The following TNIK variants were observed in gnomAD, a reference collection of about 807,000 sequenced individuals.
TNIK encodes TRAF2 and NCK-interacting protein kinase.
TNIK carries 49 observed loss-of-function variants against 191.3 expected under a neutral mutation model. The ratio of observed to expected loss-of-function variants is 0.26; its 90% CI spans 0.20 to 0.32. TNIK has a LOEUF of 0.32. TNIK is among the 10% of genes least tolerant of loss of function. The probability of loss-of-function intolerance (pLI) is 1.00; values close to 1 mark genes in which losing one functional copy is unlikely to be tolerated. For synonymous variants in TNIK, 594 were observed against 600.9 expected, an observed-to-expected ratio of 0.99 and a Z score of 0.17; for missense variants, 1,155 against 1,702.3, an observed-to-expected ratio of 0.68 and a Z score of 5.66.
At chr3:171,214,096 A>G (rs1741177902) in intron 3 of TNIK, among the ~76,000 whole-genome samples, 1 of 152,084 alleles carries the variant, frequency 6.6e-6, no homozygotes, top group Non-Finnish European at 1.5e-5. Context: ...TAAATCCTTG[A>G]TCTTACGCAA....
intron 2 of TNIK, among the ~76,000 whole-genome samples, chr3:171,246,715 G>A (rs531767144): frequency 1.8e-4 from 28 of 152,216 alleles, no homozygotes; most frequent in African/African-American, 6.3e-4. Flanking sequence ...TTTCCCTCAA[G>A]ATCTTGAGTT....
At chr3:171,161,411 TATAA>T (rs1240752742) in intron 10 of TNIK, 75 bp from the exon 11 acceptor site, 5 of 1,315,976 alleles carry the variant, frequency 3.8e-6, no homozygotes, top group Middle Eastern at 1.9e-4. Context: ...GTCTCTTATA[TATAA>T]ATAAATAGAC....
chr3:171,130,474 G>A lies in TNIK; in HGVS notation c.1609-1596C>T, dbSNP rs117460789. 1.4e-4 allele frequency among the ~76,000 whole-genome samples: 22 copies of A among 152,332 alleles called. No homozygotes were observed. The East Asian group carries it at 4.2e-3, about 29-fold the overall frequency. On this transcript the variant is annotated intron_variant, in intron 15 of 32. Transcript: ENST00000436636. ...AAGCCAGGAATATAAACCAGAACAT[G>A]TGTACTTTGTGTGTGCATGTGTGCG...
At chr3:171,232,930 T>C (rs73043070) in intron 2 of TNIK, among the ~76,000 whole-genome samples, 5,309 of 152,352 alleles carry the variant, frequency 0.035, 311 homozygotes, top group African/African-American at 0.12. Flanking sequence ...AACAGCCACA[T>C]AAGCTTCACT....
intron 29 of TNIK, among the ~76,000 whole-genome samples, chr3:171,070,099 A>C (rs762342983): frequency 3.9e-5 from 6 of 152,218 alleles, no homozygotes; most frequent in Admixed American, 1.3e-4. Context: ...GCTTTTGTGG[A>C]GATAGATTTT....
chr3:171,262,742 G>A (rs141256190), intron 2 of TNIK, among the ~76,000 whole-genome samples: 240 of 152,334 alleles, frequency 1.6e-3, no homozygotes, highest in African/African-American at 5.2e-3. Flanking sequence ...CTTCCTTGAT[G>A]AGGGAACCTC....
chr3:171,420,970 T>C (rs1723723045), intron 1 of TNIK, among the ~76,000 whole-genome samples: 1 of 152,208 alleles, frequency 6.6e-6, no homozygotes, highest in South Asian at 2.1e-4. Context: ...TGTTTATTTA[T>C]GGAATTTTCC....
At chr3:171,447,050 G>A (rs547700253) in intron 1 of TNIK, among the ~76,000 whole-genome samples, 2 of 152,258 alleles carry the variant, frequency 1.3e-5, no homozygotes, top group African/African-American at 4.8e-5. Flanking sequence ...AATTAGTTGG[G>A]CGTGGTGGCG....
chr3:171,101,840 T>C, intron 21 of TNIK: 1 of 558,736 alleles, frequency 1.8e-6, no homozygotes, highest in South Asian at 2.5e-5. Flanking sequence ...TTTAAACTTT[T>C]TCAAAACCAA....
At chr3:171,444,783 A>T (rs1294958712) in intron 1 of TNIK, among the ~76,000 whole-genome samples, 1 of 152,204 alleles carries the variant, frequency 6.6e-6, no homozygotes, top group African/African-American at 2.4e-5. Context: ...ATGCCTTATG[A>T]AAAAGTTGCA....
At chr3:171,077,801 A>G (rs1371776429) in intron 28 of TNIK, among the ~76,000 whole-genome samples, 1 of 151,692 alleles carries the variant, frequency 6.6e-6, no homozygotes, top group African/African-American at 2.4e-5. Flanking sequence ...ATACACATAT[A>G]TATACATATG....
At chr3:171,391,022 A>T (rs909897785) in intron 1 of TNIK, among the ~76,000 whole-genome samples, 1 of 152,236 alleles carries the variant, frequency 6.6e-6, no homozygotes, top group Non-Finnish European at 1.5e-5. Context: ...TCATAACAGA[A>T]TAAACAAATG....
chr3:171,164,325 G>A (rs116347293), intron 10 of TNIK, among the ~76,000 whole-genome samples: 3,093 of 152,316 alleles, frequency 0.02, 47 homozygotes, highest in South Asian at 0.047. Context: ...ATGCCCCAGA[G>A]GGAGATGGGT....
chr3:171,167,274 C>T lies in TNIK; in HGVS notation c.774-4G>A. The T allele has an allele frequency of 6.2e-7, 1 of 1,608,992 alleles. No homozygotes were observed. The highest frequency in any genetic ancestry group is 8.5e-7 in the Non-Finnish European group (1 of 1,177,130). On this transcript the variant is annotated splice_region_variant and splice_polypyrimidine_tract_variant and intron_variant, in intron 9 of 32. Coordinates refer to ENST00000436636, the MANE Select transcript of TNIK (RefSeq NM_015028.4). Reference sequence around the variant, plus strand: ...AAATGACTGGAATTTTTTTGACCTGCCAAACAAAAGAAATGAATCCACAGA... The same window carrying T: ...AAATGACTGGAATTTTTTTGACCTGTCAAACAAAAGAAATGAATCCACAGA...
chr3:171,072,946 C>G (rs1719395203), intron 28 of TNIK, among the ~76,000 whole-genome samples: 1 of 152,010 alleles, frequency 6.6e-6, no homozygotes, highest in African/African-American at 2.4e-5. Flanking sequence ...GAAAAACATC[C>G]CGTGCTCATG....
chr3:171,398,974 G>A (rs1055082075), intron 1 of TNIK, among the ~76,000 whole-genome samples: 5 of 152,076 alleles, frequency 3.3e-5, no homozygotes, highest in Admixed American at 2.0e-4. Flanking sequence ...GTGCTCCCAG[G>A]GGACTTCTCA....
chr3:171,251,473 G>A (rs2109083485), intron 2 of TNIK, among the ~76,000 whole-genome samples: 1 of 152,290 alleles, frequency 6.6e-6, no homozygotes. Context: ...TCCTGCCACA[G>A]TCTTGGGATG....
At chr3:171,275,936 T>G (rs927842497) in intron 2 of TNIK, among the ~76,000 whole-genome samples, 1 of 151,376 alleles carries the variant, frequency 6.6e-6, no homozygotes, top group African/African-American at 2.4e-5. Context: ...ATTAAAAAAA[T>G]AGAGGAAAAT....
At chr3:171,353,614 C>A (rs1212413760) in intron 2 of TNIK, among the ~76,000 whole-genome samples, 2 of 152,104 alleles carry the variant, frequency 1.3e-5, no homozygotes, top group Non-Finnish European at 2.9e-5. Flanking sequence ...ATCTATGAAA[C>A]ACCTGACTAC....
Sources: allele counts gnomAD v4.1 joint callset (sites outside exome capture counted in the v4.1 genomes callset), GRCh38; gene constraint gnomAD v4.1.1; transcripts MANE v1.5; gene names NCBI Gene and HGNC (gene_info 2026-07-23, HGNC 2026-07-21).